The following JADE3 variants were observed in gnomAD, a reference collection of about 807,000 sequenced individuals.
JADE3 encodes protein Jade-3.
A neutral mutation model predicts 50.1 loss-of-function variants in JADE3; 2 were observed. That is an observed-to-expected ratio of 0.04 (90% confidence interval 0.02 to 0.13). JADE3 has a LOEUF of 0.13. Among genes scored for constraint, JADE3 ranks in the 10% least tolerant of loss-of-function variants. The pLI, the probability that JADE3 is intolerant of heterozygous loss-of-function variation, is 1.00. For missense variants in JADE3, 475 were observed against 634.4 expected, an observed-to-expected ratio of 0.75 and a Z score of 2.70; for synonymous variants, 218 against 232.9, an observed-to-expected ratio of 0.94 and a Z score of 0.58.
At chrX:47,038,355 T>G (rs1556368563) in intron 7 of JADE3, among the ~76,000 whole-genome samples, 1 of 110,519 alleles carries the variant, frequency 9.0e-6, no homozygotes, top group African/African-American at 3.3e-5. Flanking sequence ...ATTTTTTGTG[T>G]TTTTTTTAGA....
At position 46,930,580 on chromosome X, in the gene JADE3, T is replaced by C. The variant is rs782196452; in HGVS notation, c.-12+17861T>C. Among the ~76,000 whole-genome samples the C allele has an allele frequency of 2.7e-5, 3 of 112,277 alleles. No individual in the cohort carries two copies. In the South Asian group the frequency reaches 1.1e-3, roughly 42 times the overall value. On this transcript the variant is annotated intron_variant, in intron 1 of 10. Coordinates refer to ENST00000614628, the MANE Select transcript of JADE3 (RefSeq NM_014735.5). ...ATGGCAGGTTTTCAGTAAAAGACTGTTGTGGATTACTGTCATTGTGGTGTC... is the reference window on the plus strand; with the variant it reads ...ATGGCAGGTTTTCAGTAAAAGACTGCTGTGGATTACTGTCATTGTGGTGTC...
rs1361277750 is a variant in JADE3 at position 47,058,038 on chromosome X, A to G, written c.1562-129A>G. The G allele has an allele frequency of 7.4e-6, 4 of 538,979 alleles. No homozygotes were observed. In the East Asian group the frequency reaches 1.1e-4, roughly 14 times the overall value. The allele number at this position is 538,979 out of a possible 1,213,427, so 44.4% of individuals were successfully genotyped here. A position where few individuals can be genotyped will look rare whatever the true frequency, so the allele number is the denominator to read the frequency against. ...CTCACTCCAGCTGCTACACCATGAT[A>G]TACATACATAGCAGAGCCAGGTGCT... On this transcript the variant is annotated intron_variant, in intron 10 of 10. Transcript: ENST00000614628.
intron 1 of JADE3, among the ~76,000 whole-genome samples, chrX:46,978,282 C>T (rs901556005): frequency 8.9e-6 from 1 of 112,082 alleles, no homozygotes; most frequent in African/African-American, 3.2e-5. Context: ...CATTCACAGC[C>T]GTCCTGTGCC....
intron 1 of JADE3, among the ~76,000 whole-genome samples, chrX:46,947,256 G>A (rs1265854709): frequency 1.2e-4 from 13 of 111,476 alleles, no homozygotes; most frequent in Non-Finnish European, 1.3e-4. Flanking sequence ...CTGGCCTCAA[G>A]TGATCACCTA....
At chrX:47,028,344 A>G (rs782780611) in intron 6 of JADE3, among the ~76,000 whole-genome samples, 5 of 109,736 alleles carry the variant, frequency 4.6e-5, no homozygotes, top group Non-Finnish European at 9.5e-5. Context: ...TTATGCCCAG[A>G]CCATTGGGAT....
chrX:46,937,405 A>G lies in JADE3; in HGVS notation c.-12+24686A>G, dbSNP rs113214628. ...TATTTTGGGGTGAAGTGTTCTGTAC[A>G]TGTCAGGTAATGACGGTTGATGATG... On this transcript the variant is annotated intron_variant, in intron 1 of 10. Coordinates refer to ENST00000614628, the MANE Select transcript of JADE3 (RefSeq NM_014735.5). Among the ~76,000 whole-genome samples the G allele has an allele frequency of 7.7e-3, 857 of 111,254 alleles. 9 individuals are homozygous for G. Among genetic ancestry groups the G allele is most frequent in the African/African-American group, 0.026 (798 of 30,668 alleles).
rs369912245 is a variant in JADE3, at chrX:46,988,365, A to G, written c.126+2573A>G. ...TTTTGCAGGTGATGAGGCTCAGAGAAGTTACTTGCCCAGGGTCATTAAAAA... is the reference window on the plus strand; with the variant it reads ...TTTTGCAGGTGATGAGGCTCAGAGAGGTTACTTGCCCAGGGTCATTAAAAA... On this transcript the variant is annotated intron_variant, in intron 3 of 10. Coordinates refer to ENST00000614628, the MANE Select transcript of JADE3 (RefSeq NM_014735.5). 5.3e-3 allele frequency among the ~76,000 whole-genome samples: 590 copies of G among 111,115 alleles called. 2 individuals are homozygous for G. The highest frequency in any genetic ancestry group is 0.027 in the South Asian group (71 of 2,606).
rs1385196666 is a variant in JADE3 at position 46,914,242 on chromosome X, A to G, written c.-12+1523A>G. On this transcript the variant is annotated intron_variant, in intron 1 of 10. Coordinates refer to ENST00000614628, the MANE Select transcript of JADE3 (RefSeq NM_014735.5). Reference sequence around the variant, plus strand: ...GAGGGGGAAAGAGTAGGGCTGAGAGAGGAGTCGGTCTGAACAAAGCATTGT... The same window carrying G: ...GAGGGGGAAAGAGTAGGGCTGAGAGGGGAGTCGGTCTGAACAAAGCATTGT... 2.7e-5 allele frequency among the ~76,000 whole-genome samples: 3 copies of G among 111,352 alleles called. No individual in the cohort carries two copies. The Admixed American group carries it at 2.8e-4, about 11-fold the overall frequency.
At chrX:46,915,351 AT>A (rs1926059485) in intron 1 of JADE3, among the ~76,000 whole-genome samples, 1 of 112,151 alleles carries the variant, frequency 8.9e-6, no homozygotes, top group South Asian at 3.7e-4. Flanking sequence ...CATTAAGAAA[AT>A]CTCTCATTGA....
chrX:47,032,528 G>A (rs1223277887), intron 6 of JADE3, among the ~76,000 whole-genome samples: 4 of 110,556 alleles, frequency 3.6e-5, no homozygotes, highest in Non-Finnish European at 7.6e-5. Flanking sequence ...GGTTGAAGGC[G>A]TGCAGGGGGA....
In JADE3 at chrX:47,058,937, G is replaced by A; in HGVS notation, c.2332G>A (p.Ala778Thr). Residue 778 changes from alanine (A) to threonine (T), a missense_variant, in exon 11 of 11, where the codon GCA becomes ACA. Ala to Thr is a moderately conservative substitution (Grantham distance 58). Transcript: ENST00000614628. ...AGATTTGGAGCTGAGTGATTCAGAGGCAGAAAGTGATGGGAATAAAGAAAA... is the reference window on the plus strand; with the variant it reads ...AGATTTGGAGCTGAGTGATTCAGAGACAGAAAGTGATGGGAATAAAGAAAA... ...CPDLELSDSE[A>T]ESDGNKEKVR... The A allele has an allele frequency of 1.7e-6, 2 of 1,211,265 alleles. No homozygotes were observed. Among genetic ancestry groups the A allele is most frequent in the South Asian group, 3.5e-5 (2 of 56,903 alleles).
At position 47,059,319 on chromosome X, in the gene JADE3, C is replaced by T. The variant is rs1569539097; in HGVS notation, c.*242C>T. On this transcript the variant is annotated 3_prime_UTR_variant, in exon 11 of 11. Transcript: ENST00000614628. ...AGAGGCTATTGGGAACAGCTGGGCC[C>T]AGGGTATTTGCTCAGTAAATATTTT... is the stretch of plus-strand genomic sequence containing the variant. 3.0e-6 allele frequency: 1 copy of T among 338,770 alleles called. No individual in the cohort carries two copies. The highest frequency in any genetic ancestry group is 4.7e-5 in the East Asian group (1 of 21,348). 27.9% of individuals were successfully genotyped at this position (338,770 alleles called of 1,213,427 possible). A position where few individuals can be genotyped will look rare whatever the true frequency, so the allele number is the denominator to read the frequency against.
chrX:46,992,831 C>T (rs1928047459), intron 3 of JADE3, among the ~76,000 whole-genome samples: 1 of 111,761 alleles, frequency 8.9e-6, no homozygotes, highest in African/African-American at 3.3e-5. Flanking sequence ...GTGCAAATCT[C>T]CCTCTAATTT....
At chrX:46,917,246 G>C (rs1413099142) in intron 1 of JADE3, among the ~76,000 whole-genome samples, 2 of 108,873 alleles carry the variant, frequency 1.8e-5, no homozygotes, top group African/African-American at 6.7e-5. Context: ...GGGGGCGGGT[G>C]GGGGTGGCTC....
At chrX:46,941,862 C>T (rs782069372) in intron 1 of JADE3, among the ~76,000 whole-genome samples, 2 of 108,050 alleles carry the variant, frequency 1.9e-5, no homozygotes, top group African/African-American at 6.8e-5. Context: ...CTCAGCCCCT[C>T]GAGTAGCTGG....
intron 6 of JADE3, among the ~76,000 whole-genome samples, chrX:47,032,263 C>T (rs1321832278): frequency 1.8e-5 from 2 of 111,412 alleles, no homozygotes; most frequent in African/African-American, 6.5e-5. Context: ...TTTAAGGATC[C>T]GCTGTAAATA....
intron 8 of JADE3, among the ~76,000 whole-genome samples, chrX:47,051,705 G>A (rs924831450): frequency 9.1e-6 from 1 of 110,382 alleles, no homozygotes; most frequent in Non-Finnish European, 1.9e-5. Flanking sequence ...GCTGAGGCAA[G>A]AGAATCGATT....
At chrX:47,002,130 ATTTTT>A (rs781854065) in intron 4 of JADE3, among the ~76,000 whole-genome samples, 7 of 107,774 alleles carry the variant, frequency 6.5e-5, no homozygotes, top group African/African-American at 2.4e-4. Context: ...CAATTTATTG[ATTTTT>A]TTTTTCTTCT....
chrX:47,003,554 C>T (rs1292763214), intron 4 of JADE3, among the ~76,000 whole-genome samples: 3 of 100,156 alleles, frequency 3.0e-5, no homozygotes, highest in South Asian at 4.2e-4. Flanking sequence ...TTTATGTTCC[C>T]GAGGAATATT....
Sources: gnomAD v4.1 joint callset for allele counts (sites outside exome capture counted in the v4.1 genomes callset) on GRCh38, gnomAD v4.1.1 for gene constraint, MANE v1.5 for transcripts, NCBI Gene and HGNC (gene_info 2026-07-23, HGNC 2026-07-21) for gene names.